The following LY96 variants were observed in gnomAD, a reference collection of about 807,000 sequenced individuals.
LY96 encodes myeloid differentiation protein-2.
LY96 carries 18 observed loss-of-function variants against 18.9 expected under a neutral mutation model. The ratio of observed to expected loss-of-function variants is 0.95; its 90% CI spans 0.66 to 1.41. The LOEUF is 1.41. LY96 is among the 40% of genes most tolerant of loss of function. The pLI, the probability that LY96 is intolerant of heterozygous loss-of-function variation, is 0.00. For missense variants in LY96, 175 were observed against 182.4 expected, an observed-to-expected ratio of 0.96 and a Z score of 0.23; for synonymous variants, 66 against 62.6, an observed-to-expected ratio of 1.06 and a Z score of -0.26.
Position 74,015,753 on chromosome 8 carries a change from C to CATGG in LY96, c.331+5627_331+5630dup, listed in dbSNP as rs1211522514. Among the ~76,000 whole-genome samples the CATGG allele has an allele frequency of 2.6e-5, 4 of 152,196 alleles. No homozygotes were observed. In the East Asian group the frequency reaches 7.7e-4, roughly 29 times the overall value. On this transcript the variant is annotated intron_variant, in intron 3 of 4. Coordinates refer to ENST00000284818, the MANE Select transcript of LY96 (RefSeq NM_015364.5). ...ACTAGACTGGACCATGAGTGAGCTG[C>CATGG]ATGGATACCTTTTGAGAAGAGGAGA...
chr8:74,012,321 T>C (rs1816547805), intron 3 of LY96, among the ~76,000 whole-genome samples: 1 of 152,188 alleles, frequency 6.6e-6, no homozygotes, highest in Non-Finnish European at 1.5e-5. Flanking sequence ...AAATAAAATG[T>C]GGTATATTTA....
the LY96 span, among the ~76,000 whole-genome samples, chr8:74,083,183 A>G: frequency 6.6e-6 from 1 of 152,188 alleles, no homozygotes; most frequent in Non-Finnish European, 1.5e-5. Flanking sequence ...ATATTCCAGC[A>G]TATATCTCTG....
the LY96 span, among the ~76,000 whole-genome samples, chr8:74,073,953 A>G: frequency 6.6e-6 from 1 of 151,230 alleles, no homozygotes; most frequent in African/African-American, 2.4e-5. Flanking sequence ...ACAGCGCCTG[A>G]CCTGATGAAT....
At chr8:74,057,068 G>A in the LY96 span, among the ~76,000 whole-genome samples, 1 of 152,106 alleles carries the variant, frequency 6.6e-6, no homozygotes, top group Non-Finnish European at 1.5e-5. Context: ...AAAATGGCAG[G>A]GATCAAAAGG....
chr8:74,087,773 AT>A, the LY96 span, among the ~76,000 whole-genome samples: 6 of 152,110 alleles, frequency 3.9e-5, no homozygotes, highest in Non-Finnish European at 8.8e-5. Context: ...TGTTGTCCTT[AT>A]TTTTTGTCTG....
chr8:74,006,696 A>C lies in LY96; in HGVS notation c.202+1811A>C, dbSNP rs183647807. ...AAGTTTTGCTTGGCTAAGGCTCTACAGTTTCTTCTTTTTTCCTAGGTTCTG... is the reference window on the plus strand; with the variant it reads ...AAGTTTTGCTTGGCTAAGGCTCTACCGTTTCTTCTTTTTTCCTAGGTTCTG... On this transcript the variant is annotated intron_variant, in intron 2 of 4. Transcript: ENST00000284818. 5.3e-5 allele frequency among the ~76,000 whole-genome samples: 8 copies of C among 152,280 alleles called. No homozygotes were observed. The East Asian group carries it at 1.5e-3, about 29-fold the overall frequency.
downstream of LY96, among the ~76,000 whole-genome samples, chr8:74,033,454 C>T (rs773986606): frequency 9.2e-5 from 14 of 152,276 alleles, no homozygotes; most frequent in Non-Finnish European, 1.8e-4. Flanking sequence ...GTCCTTTGGC[C>T]CAACCCCCTG....
the LY96 span, among the ~76,000 whole-genome samples, chr8:74,068,309 AGTTT>A: frequency 2.0e-5 from 3 of 151,770 alleles, no homozygotes; most frequent in Admixed American, 2.0e-4. Context: ...ATGTATTGGG[AGTTT>A]GTTTCTTTTT....
At chr8:74,052,850 T>C in the LY96 span, among the ~76,000 whole-genome samples, 6 of 152,080 alleles carry the variant, frequency 3.9e-5, no homozygotes, top group African/African-American at 1.4e-4. Context: ...ATGATTGTGG[T>C]GAATAGAAGA....
At chr8:74,059,075 G>T in the LY96 span, among the ~76,000 whole-genome samples, 6 of 152,174 alleles carry the variant, frequency 3.9e-5, no homozygotes, top group Non-Finnish European at 7.3e-5. Context: ...CATTGGGGAA[G>T]GCCATCATCT....
the LY96 span, among the ~76,000 whole-genome samples, chr8:74,076,756 C>T: frequency 6.6e-6 from 1 of 152,162 alleles, no homozygotes; most frequent in Non-Finnish European, 1.5e-5. Flanking sequence ...ACTTCTGACA[C>T]TACATGTGTG....
chr8:74,022,899 T>C (rs1007682827), intron 3 of LY96, among the ~76,000 whole-genome samples: 1 of 152,134 alleles, frequency 6.6e-6, no homozygotes, highest in Non-Finnish European at 1.5e-5. Context: ...TCTTAATTTC[T>C]TTCTCATATC....
At chr8:74,065,937 A>G in the LY96 span, among the ~76,000 whole-genome samples, 3 of 152,362 alleles carry the variant, frequency 2.0e-5, no homozygotes, top group African/African-American at 4.8e-5. Context: ...TATACATGGC[A>G]TACTTTGGAC....
chr8:74,012,319 T>A (rs964456994), intron 3 of LY96, among the ~76,000 whole-genome samples: 2 of 152,180 alleles, frequency 1.3e-5, no homozygotes, highest in Non-Finnish European at 2.9e-5. Flanking sequence ...GTAAATAAAA[T>A]GTGGTATATT....
At chr8:74,085,478 C>G in the LY96 span, among the ~76,000 whole-genome samples, 1 of 152,216 alleles carries the variant, frequency 6.6e-6, no homozygotes, top group African/African-American at 2.4e-5. Flanking sequence ...TACAGAAGAG[C>G]CTGCCAATCA....
the LY96 span, among the ~76,000 whole-genome samples, chr8:74,050,938 G>A: frequency 8.5e-5 from 13 of 152,238 alleles, no homozygotes; most frequent in East Asian, 1.9e-3. Flanking sequence ...CAGGAGAATC[G>A]CTTGAACCCA....
At chr8:74,064,968 G>A in the LY96 span, among the ~76,000 whole-genome samples, 2 of 152,108 alleles carry the variant, frequency 1.3e-5, no homozygotes, top group African/African-American at 4.8e-5. Flanking sequence ...ATGTTACTGG[G>A]GGTGTAAACC....
the LY96 span, among the ~76,000 whole-genome samples, chr8:74,068,727 A>C: frequency 1.3e-5 from 2 of 152,198 alleles, no homozygotes; most frequent in African/African-American, 4.8e-5. Context: ...TTCATATGCA[A>C]TATCTTCTCT....
Position 74,029,052 on chromosome 8 carries a change from T to G in LY96, c.481T>G (p.Ter161GluextTer6), listed in dbSNP as rs752506164. ...FVILHQPNSN[*>E] is the part of the protein sequence containing the mutation. ...CATCCTACACCAACCTAATTCAAATTAGAATAAATTGAGTATTTAAAAAAA... is the reference window on the plus strand; with the variant it reads ...CATCCTACACCAACCTAATTCAAATGAGAATAAATTGAGTATTTAAAAAAA... The change falls in exon 5 of 5, where the codon TAG (stop) becomes GAG (glutamate). Residue 161 changes from the stop codon to glutamate (E), a stop_lost. Transcript: ENST00000284818. The G allele has an allele frequency of 3.2e-6, 5 of 1,582,564 alleles. No homozygotes were observed. The Admixed American group carries it at 8.3e-5, about 26-fold the overall frequency.
Sources: allele counts gnomAD v4.1 joint callset (sites outside exome capture counted in the v4.1 genomes callset), GRCh38; gene constraint gnomAD v4.1.1; transcripts MANE v1.5; gene names NCBI Gene and HGNC (gene_info 2026-07-23, HGNC 2026-07-21).